The following MAGI1 variants were observed in gnomAD, a reference collection of about 807,000 sequenced individuals.
MAGI1 encodes the protein membrane-associated guanylate kinase, WW and PDZ domain-containing protein 1.
MAGI1 carries 58 observed loss-of-function variants against 139.9 expected under a neutral mutation model. The ratio of observed to expected loss-of-function variants is 0.41; its 90% CI spans 0.34 to 0.52. MAGI1 has a LOEUF of 0.52. Ranked by LOEUF, MAGI1 falls within the 20% of genes least tolerant of loss-of-function variation. The pLI is 0.12. For synonymous variants in MAGI1, 812 were observed against 737.9 expected (o/e 1.10, Z -1.63); for missense variants, 1,874 against 1,901.6 (o/e 0.99, Z 0.27).
At chr3:65,917,727 C>G (rs1483777622) in intron 1 of MAGI1, among the ~76,000 whole-genome samples, 1 of 152,114 alleles carries the variant, frequency 6.6e-6, no homozygotes, top group East Asian at 1.9e-4. Context: ...ATCTGACATT[C>G]TGGAAAAGGC....
At chr3:65,811,355 T>C (rs528665474) in intron 1 of MAGI1, among the ~76,000 whole-genome samples, 100 of 152,334 alleles carry the variant, frequency 6.6e-4, no homozygotes, top group African/African-American at 2.3e-3. Flanking sequence ...TTTTTCTTAT[T>C]CCATTAGACA....
chr3:65,769,386 G>A (rs1200805112), intron 1 of MAGI1, among the ~76,000 whole-genome samples: 3 of 152,316 alleles, frequency 2.0e-5, no homozygotes, highest in South Asian at 4.1e-4. Context: ...CTATTCAGGA[G>A]GCTGAGGCAG....
chr3:65,623,788 T>C (rs1459381643), intron 1 of MAGI1, among the ~76,000 whole-genome samples: 2 of 152,152 alleles, frequency 1.3e-5, no homozygotes, highest in Non-Finnish European at 2.9e-5. Context: ...CATTTTGAAA[T>C]AGATAATAAA....
chr3:65,807,336 A>G (rs994392986), intron 1 of MAGI1, among the ~76,000 whole-genome samples: 5 of 152,156 alleles, frequency 3.3e-5, no homozygotes, highest in African/African-American at 1.2e-4. Context: ...CTGTACATTG[A>G]CATATAGGAA....
At chr3:65,425,130 A>AC (rs1946934959) in intron 12 of MAGI1, among the ~76,000 whole-genome samples, 1 of 40,152 alleles carries the variant, frequency 2.5e-5, no homozygotes, top group Non-Finnish European at 4.2e-5. Context: ...AAAAAAAAAA[A>AC]AACAAAAAAA....
intron 2 of MAGI1, among the ~76,000 whole-genome samples, chr3:65,517,166 A>G (rs531300131): frequency 6.6e-6 from 1 of 152,016 alleles, no homozygotes; most frequent in Non-Finnish European, 1.5e-5. Flanking sequence ...TTCTTAGACT[A>G]CTCCAGAAAG....
At position 65,871,548 on chromosome 3, in the gene MAGI1, T is replaced by C. The variant is rs28451610; in HGVS notation, c.313+166448A>G. On this transcript the variant is annotated intron_variant, in intron 1 of 22. Coordinates refer to ENST00000402939, the MANE Select transcript of MAGI1 (RefSeq NM_001033057.2). ...TTCCCAGGAGGCCAGTATTACAGCTTAGAGGCCAAAGCAGTCAGCAGTCAA... is the reference window on the plus strand; with the variant it reads ...TTCCCAGGAGGCCAGTATTACAGCTCAGAGGCCAAAGCAGTCAGCAGTCAA... 5.2e-3 allele frequency among the ~76,000 whole-genome samples: 785 copies of C among 152,226 alleles called. 8 individuals carry two copies. Among genetic ancestry groups the C allele is most frequent in the African/African-American group, 0.017 (715 of 41,520 alleles).
At position 65,694,477 on chromosome 3, in the gene MAGI1, G is replaced by A. The variant is rs544911159; in HGVS notation, c.314-72389C>T. Among the ~76,000 whole-genome samples, 8 of 152,236 alleles carry A rather than the reference G, an allele frequency of 5.3e-5. No individual in the cohort carries two copies. The South Asian group carries it at 6.2e-4, about 12-fold the overall frequency. ...TGAAGTGTTCTCATCACCACCACCC[G>A]GGGTTCAACCTTCTAAGGAGGATTT... On this transcript the variant is annotated intron_variant, in intron 1 of 22. Transcript: ENST00000402939.
At chr3:65,834,681 T>A (rs1387401950) in intron 1 of MAGI1, among the ~76,000 whole-genome samples, 2 of 152,270 alleles carry the variant, frequency 1.3e-5, no homozygotes, top group Non-Finnish European at 2.9e-5. Context: ...GGTTTTGATG[T>A]CTACAACTAT....
intron 1 of MAGI1, among the ~76,000 whole-genome samples, chr3:65,854,532 G>A (rs1341107276): frequency 1.3e-5 from 2 of 152,168 alleles, no homozygotes; most frequent in Admixed American, 6.5e-5. Context: ...CCATTTCCAT[G>A]TGATTAAAAT....
chr3:65,574,403 G>T (rs1342316852), intron 2 of MAGI1, among the ~76,000 whole-genome samples: 1 of 143,746 alleles, frequency 7.0e-6, no homozygotes, highest in African/African-American at 2.6e-5. Context: ...AAAATACCCA[G>T]CAGTAAATCT....
intron 1 of MAGI1, among the ~76,000 whole-genome samples, chr3:65,725,033 A>G (rs1298224389): frequency 1.3e-5 from 2 of 152,222 alleles, no homozygotes; most frequent in African/African-American, 4.8e-5. Context: ...TCCCAGCTGA[A>G]ATCTCTCTAT....
At chr3:65,414,769 C>T (rs955800753) in intron 12 of MAGI1, among the ~76,000 whole-genome samples, 2 of 151,578 alleles carry the variant, frequency 1.3e-5, no homozygotes, top group East Asian at 1.9e-4. Flanking sequence ...TGTGGTGGTT[C>T]ACGCCTGTAA....
chr3:65,359,439 T>C, intron 22 of MAGI1: 1 of 1,181,656 alleles, frequency 8.5e-7, no homozygotes, highest in Non-Finnish European at 1.1e-6. Flanking sequence ...TTGTTTTGTT[T>C]TTTCAAACAA....
intron 2 of MAGI1, among the ~76,000 whole-genome samples, chr3:65,619,002 C>G (rs2083522427): frequency 1.3e-5 from 2 of 152,102 alleles, no homozygotes; most frequent in South Asian, 4.1e-4. Flanking sequence ...GCCCTTTCTT[C>G]TTACTGTAGA....
At chr3:65,962,904 T>C (rs1321050505) in intron 1 of MAGI1, among the ~76,000 whole-genome samples, 1 of 109,650 alleles carries the variant, frequency 9.1e-6, no homozygotes, top group Non-Finnish European at 1.9e-5. Context: ...CACAAAAAAA[T>C]GAGCAGAGAA....
At chr3:65,688,156 G>T (rs2088229972) in intron 1 of MAGI1, 3 of 760,008 alleles carry the variant, frequency 3.9e-6, no homozygotes, top group Admixed American at 1.8e-5. Flanking sequence ...GGGTCCATGG[G>T]TATCACTGAC....
chr3:65,747,984 C>T (rs2035841092), intron 1 of MAGI1, among the ~76,000 whole-genome samples: 1 of 152,110 alleles, frequency 6.6e-6, no homozygotes, highest in Non-Finnish European at 1.5e-5. Context: ...TAATTAGGAC[C>T]AGAATGTGGC....
chr3:65,754,590 T>C (rs2036414253), intron 1 of MAGI1, among the ~76,000 whole-genome samples: 1 of 148,476 alleles, frequency 6.7e-6, no homozygotes, highest in Non-Finnish European at 1.5e-5. Flanking sequence ...AAAGGCAATG[T>C]CTTAAGGAAA....
Sources: gnomAD v4.1 joint callset for allele counts (sites outside exome capture counted in the v4.1 genomes callset) on GRCh38, gnomAD v4.1.1 for gene constraint, MANE v1.5 for transcripts, NCBI Gene and HGNC (gene_info 2026-07-23, HGNC 2026-07-21) for gene names.